FRAS1: variants seen among roughly 807,000 people sequenced by gnomAD.
FRAS1 encodes extracellular matrix organizing protein FRAS1.
In FRAS1, 290 loss-of-function variants were observed where a neutral mutation model predicts 435.2. That is an observed-to-expected ratio of 0.67 (90% CI 0.61 to 0.73). FRAS1 has a LOEUF of 0.73. FRAS1 is among the 30% of genes least tolerant of loss of function. The probability of loss-of-function intolerance (pLI) is 0.00; values close to 1 mark genes in which losing one functional copy is unlikely to be tolerated. For synonymous variants in FRAS1, 1,800 were observed against 1,851.0 expected, an observed-to-expected ratio of 0.97 and a Z score of 0.71; for missense variants, 4,860 against 5,001.5, an observed-to-expected ratio of 0.97 and a Z score of 0.85.
At chr4:78,198,887 G>A (rs996726882) in intron 2 of FRAS1, among the ~76,000 whole-genome samples, 3 of 152,114 alleles carry the variant, frequency 2.0e-5, no homozygotes, top group Admixed American at 2.0e-4. Context: ...TTTATTCTAA[G>A]TATACAGTAT....
intron 2 of FRAS1, among the ~76,000 whole-genome samples, chr4:78,118,055 AC>A (rs1333324648): frequency 1.3e-5 from 2 of 152,010 alleles, no homozygotes; most frequent in Non-Finnish European, 2.9e-5. Context: ...AACAGTCAGG[AC>A]CCTCAGCTGC....
At chr4:78,320,041 C>T (rs1238471692) in intron 18 of FRAS1, among the ~76,000 whole-genome samples, 2 of 152,200 alleles carry the variant, frequency 1.3e-5, no homozygotes, top group Non-Finnish European at 2.9e-5. Flanking sequence ...TTATAAAGCC[C>T]TCCTGCTCCG....
In FRAS1 at chr4:78,432,427, G is replaced by A; in HGVS notation, c.5040G>A (p.Arg1680=). Residue 1680 remains arginine (R), a synonymous_variant, in exon 38 of 74, where the codon CGG becomes CGA. Transcript: ENST00000512123. ...LQYIHDGSST[R]EDSMEISVTD... is the part of the protein sequence containing the mutation. ...ATATACATGATGGTTCCTCTACCCGGGAAGACAGCATGGAGATCTCAGTCA... is the reference window on the plus strand; with the variant it reads ...ATATACATGATGGTTCCTCTACCCGAGAAGACAGCATGGAGATCTCAGTCA... The A allele has an allele frequency of 1.2e-6, 2 of 1,612,506 alleles. No individual in the cohort carries two copies. Among genetic ancestry groups the A allele is most frequent in the South Asian group, 2.2e-5 (2 of 90,650 alleles).
Position 78,267,284 on chromosome 4 carries a change from G to A in FRAS1, c.833G>A (p.Cys278Tyr), listed in dbSNP as rs1183333954. The change falls in exon 9 of 74, where the codon TGT (cysteine) becomes TAT (tyrosine). Residue 278 changes from cysteine (C) to tyrosine (Y), a missense_variant. Physicochemically the swap from Cys to Tyr is radical, Grantham distance 194. Coordinates refer to ENST00000512123, the MANE Select transcript of FRAS1 (RefSeq NM_025074.7). ...CGTCATGGGCAATGCTGTGAGGAAT[G>A]TGTGTCTCCTGCCGGGAGCTGCTCC... ...ARRHGQCCEE[C>Y]VSPAGSCSYD... is the part of the protein sequence containing the mutation. 4.3e-6 allele frequency: 7 copies of A among 1,613,768 alleles called. No homozygotes were observed. The highest frequency in any genetic ancestry group is 5.9e-6 in the Non-Finnish European group (7 of 1,179,870).
At chr4:78,274,919 A>C (rs1297295628) in intron 9 of FRAS1, among the ~76,000 whole-genome samples, 1 of 152,098 alleles carries the variant, frequency 6.6e-6, no homozygotes, top group African/African-American at 2.4e-5. Context: ...TGGGGTGTTA[A>C]AGTCTCCCAT....
At chr4:78,402,514 T>C (rs531757251) in intron 30 of FRAS1, among the ~76,000 whole-genome samples, 15 of 152,096 alleles carry the variant, frequency 9.9e-5, no homozygotes, top group Admixed American at 2.6e-4. Context: ...GAAGTTAGGG[T>C]AAACATTAAA....
chr4:78,445,358 C>T (rs529989199), intron 41 of FRAS1, among the ~76,000 whole-genome samples, 164 bp from the exon 42 acceptor site: 1 of 152,110 alleles, frequency 6.6e-6, no homozygotes, highest in Non-Finnish European at 1.5e-5. Context: ...CGGATCTGAC[C>T]CAGGCCTTCC....
At position 78,284,495 on chromosome 4, in the gene FRAS1, G is replaced by A. The variant is rs1167064690; in HGVS notation, c.1346G>A (p.Trp449Ter). Residue 449 changes from tryptophan to a stop codon, truncating the protein, a stop_gained, in exon 13 of 74, where the codon TGG (tryptophan) becomes TAG (stop). Coordinates refer to ENST00000512123, the MANE Select transcript of FRAS1 (RefSeq NM_025074.7). LOFTEE classifies it high-confidence loss of function. ...QDPTKLLQNG[W>*]CVHSCGLGFY... is the part of the protein sequence containing the mutation. ...CCTACCAAGTTACTGCAGAATGGATGGTGTGTGCACAGCTGTGGACTGGGT... is the reference window on the plus strand; with the variant it reads ...CCTACCAAGTTACTGCAGAATGGATAGTGTGTGCACAGCTGTGGACTGGGT... 1.1e-5 allele frequency: 17 copies of A among 1,613,824 alleles called. No homozygotes were observed. Among genetic ancestry groups the A allele is most frequent in the Non-Finnish European group, 1.4e-5 (17 of 1,179,818 alleles).
intron 14 of FRAS1, among the ~76,000 whole-genome samples, chr4:78,296,239 T>C (rs1578234490): frequency 6.6e-6 from 1 of 151,484 alleles, no homozygotes; most frequent in East Asian, 1.9e-4. Flanking sequence ...ATGCTGAAGA[T>C]TTTTTTTACG....
chr4:78,097,311 C>T (rs1436979834), intron 2 of FRAS1, among the ~76,000 whole-genome samples: 1 of 152,116 alleles, frequency 6.6e-6, no homozygotes, highest in African/African-American at 2.4e-5. Flanking sequence ...CACATTTTTT[C>T]CTGTGTTCTT....
chr4:78,408,839 A>G (rs762899419), intron 31 of FRAS1, among the ~76,000 whole-genome samples: 13 of 152,188 alleles, frequency 8.5e-5, no homozygotes, highest in Non-Finnish European at 1.9e-4. Flanking sequence ...AGTATACTGC[A>G]TAGGCTGGGC....
rs148183144 is a variant in FRAS1 at position 78,129,924 on chromosome 4, G to T, written c.108+63908G>T. On this transcript the variant is annotated intron_variant, in intron 2 of 73. Coordinates refer to ENST00000512123, the MANE Select transcript of FRAS1 (RefSeq NM_025074.7). ...TTTTCCAGTCTGGCAGCTTCTTGTT[G>T]TTGCTGCCCCTGGCCCCAATTTGAG... is the stretch of plus-strand genomic sequence containing the variant. Among the ~76,000 whole-genome samples the T allele has an allele frequency of 2.6e-5, 4 of 152,192 alleles. No homozygotes were observed. The East Asian group carries it at 5.8e-4, about 22-fold the overall frequency.
intron 31 of FRAS1, among the ~76,000 whole-genome samples, chr4:78,409,003 AGGATCACTTGAGCCTGGGAGGT>A: frequency 1.4e-5 from 1 of 72,534 alleles, no homozygotes; most frequent in Non-Finnish European, 3.8e-5. Context: ...GCTAGGCGGG[AGGATCACTTGAGCCTGGGAGGT>A]GGAGGATCAC....
intron 46 of FRAS1, 44 bp downstream of exon 46, chr4:78,451,935 T>C (rs748489972): frequency 5.1e-6 from 8 of 1,559,168 alleles, no homozygotes; most frequent in Non-Finnish European, 6.1e-6. Flanking sequence ...ATTTTAGCAG[T>C]TCTGAGGTTA....
chr4:78,092,924 T>G (rs938311985), intron 2 of FRAS1, among the ~76,000 whole-genome samples: 1 of 152,118 alleles, frequency 6.6e-6, no homozygotes, highest in East Asian at 1.9e-4. Context: ...GTGAGCAGAG[T>G]AGAAGCTGCA....
At chr4:78,360,961 T>C (rs1731052034) in intron 20 of FRAS1, among the ~76,000 whole-genome samples, 1 of 152,204 alleles carries the variant, frequency 6.6e-6, no homozygotes, top group Non-Finnish European at 1.5e-5. Flanking sequence ...ATGCAACTAG[T>C]CTTTAGACCA....
intron 2 of FRAS1, among the ~76,000 whole-genome samples, chr4:78,127,781 G>A (rs1719450368): frequency 1.3e-5 from 2 of 151,178 alleles, no homozygotes; most frequent in Admixed American, 1.3e-4. Context: ...TAAGTTTTAG[G>A]GTACATGTGC....
intron 56 of FRAS1, among the ~76,000 whole-genome samples, chr4:78,480,743 G>A (rs1719987461): frequency 6.6e-6 from 1 of 152,192 alleles, no homozygotes; most frequent in African/African-American, 2.4e-5. Flanking sequence ...TCTTATGTAT[G>A]CTGCAGGCAG....
chr4:78,337,371 A>T (rs980648508), intron 19 of FRAS1, among the ~76,000 whole-genome samples: 2 of 152,068 alleles, frequency 1.3e-5, no homozygotes, highest in African/African-American at 4.8e-5. Context: ...TGTGACTATG[A>T]TTTGAACTTC....
Sources: gnomAD v4.1 joint callset for allele counts (sites outside exome capture counted in the v4.1 genomes callset) on GRCh38, gnomAD v4.1.1 for gene constraint, MANE v1.5 for transcripts, NCBI Gene and HGNC (gene_info 2026-07-23, HGNC 2026-07-21) for gene names.